CHCHD3: variants seen among roughly 807,000 people sequenced by gnomAD.
CHCHD3 encodes the protein MICOS complex subunit MIC19.
A neutral mutation model predicts 38.2 loss-of-function variants in CHCHD3; 20 were observed. The ratio of observed to expected loss-of-function variants is 0.52; its 90% CI spans 0.37 to 0.76. The LOEUF (loss-of-function observed/expected upper bound fraction) is 0.76. Among genes scored for constraint, CHCHD3 ranks in the 30% least tolerant of loss-of-function variants. The pLI, the probability that CHCHD3 is intolerant of heterozygous loss-of-function variation, is 0.00. For synonymous variants in CHCHD3, 82 were observed against 100.0 expected (o/e 0.82, Z 1.07); for missense variants, 245 against 279.2 (o/e 0.88, Z 0.87).
intron 2 of CHCHD3, among the ~76,000 whole-genome samples, chr7:133,046,155 G>C (rs537046016): frequency 1.9e-4 from 29 of 152,242 alleles, no homozygotes; most frequent in Middle Eastern, 6.8e-3. Context: ...AGATCCAGCA[G>C]GTGGCATAAA....
At chr7:132,839,351 A>C (rs1807881169) in intron 5 of CHCHD3, among the ~76,000 whole-genome samples, 1 of 152,202 alleles carries the variant, frequency 6.6e-6, no homozygotes. Flanking sequence ...AGGAATGGAC[A>C]CATAAACAAC....
At chr7:132,882,182 A>G (rs981696184) in intron 5 of CHCHD3, among the ~76,000 whole-genome samples, 2 of 152,126 alleles carry the variant, frequency 1.3e-5, no homozygotes, top group African/African-American at 4.8e-5. Context: ...CACCATGAAG[A>G]TGAGCAAGGA....
At chr7:132,946,759 T>C (rs945039192) in intron 4 of CHCHD3, among the ~76,000 whole-genome samples, 10 of 151,904 alleles carry the variant, frequency 6.6e-5, no homozygotes, top group African/African-American at 2.4e-4. Context: ...TACCCTGAAA[T>C]ATGTGATAGT....
intron 4 of CHCHD3, among the ~76,000 whole-genome samples, chr7:132,932,197 C>T (rs180832363): frequency 5.9e-5 from 9 of 152,232 alleles, no homozygotes; most frequent in Admixed American, 5.9e-4. Flanking sequence ...TGCCAGCAGC[C>T]CCTGACACCA....
intron 6 of CHCHD3, among the ~76,000 whole-genome samples, chr7:132,797,443 C>T (rs1806647986): frequency 6.6e-6 from 1 of 152,144 alleles, no homozygotes; most frequent in Admixed American, 6.6e-5. Context: ...CCATTGGTCC[C>T]GTATTCACTT....
intron 7 of CHCHD3, among the ~76,000 whole-genome samples, chr7:132,793,107 C>T (rs1359874510): frequency 6.6e-6 from 1 of 152,200 alleles, no homozygotes; most frequent in African/African-American, 2.4e-5. Flanking sequence ...CATTCCCGCT[C>T]CTTTCCATTT....
intron 6 of CHCHD3, among the ~76,000 whole-genome samples, chr7:132,821,747 C>CTT (rs71178063): frequency 0.034 from 3,389 of 100,068 alleles, 579 homozygotes; most frequent in Admixed American, 0.096. Context: ...GCACTCAAAT[C>CTT]TTTTTTTTTT....
At chr7:133,015,928 GAGA>G (rs60544808) in intron 3 of CHCHD3, among the ~76,000 whole-genome samples, 56,272 of 150,352 alleles carry the variant, frequency 0.37, 10,575 homozygotes, top group Admixed American at 0.44. Context: ...TTTATGGCCA[GAGA>G]AGGAGGAAAA....
chr7:132,829,296 A>G (rs1371349801), intron 6 of CHCHD3, among the ~76,000 whole-genome samples: 1 of 152,190 alleles, frequency 6.6e-6, no homozygotes, highest in Non-Finnish European at 1.5e-5. Context: ...AAATATTATG[A>G]TACAAGGAAG....
At chr7:132,907,386 T>C (rs1369760377) in intron 4 of CHCHD3, among the ~76,000 whole-genome samples, 1 of 151,986 alleles carries the variant, frequency 6.6e-6, no homozygotes, top group Non-Finnish European at 1.5e-5. Flanking sequence ...GAATATAATA[T>C]ACAATAAGGA....
At chr7:132,866,680 A>G (rs1165975704) in intron 5 of CHCHD3, among the ~76,000 whole-genome samples, 1 of 152,210 alleles carries the variant, frequency 6.6e-6, no homozygotes, top group African/African-American at 2.4e-5. Flanking sequence ...AATTAGAGTC[A>G]CTCTTGAAAC....
intron 4 of CHCHD3, among the ~76,000 whole-genome samples, chr7:132,925,052 G>C (rs766855172): frequency 7.9e-5 from 12 of 152,132 alleles, no homozygotes; most frequent in Non-Finnish European, 1.8e-4. Flanking sequence ...TGAAAGAAGG[G>C]CTATTCTTTC....
At chr7:133,072,131 C>G (rs1463103894) in intron 1 of CHCHD3, among the ~76,000 whole-genome samples, 5 of 150,106 alleles carry the variant, frequency 3.3e-5, no homozygotes, top group African/African-American at 1.2e-4. Context: ...GATCATGCCA[C>G]TGTGCTCCAG....
chr7:132,985,294 G>A (rs1812073182), intron 3 of CHCHD3, among the ~76,000 whole-genome samples: 1 of 65,418 alleles, frequency 1.5e-5, no homozygotes, highest in Non-Finnish European at 3.2e-5. Flanking sequence ...TCCGGGAGGT[G>A]AGGGGCGCCT....
chr7:132,890,606 A>C (rs1317403299), intron 4 of CHCHD3, among the ~76,000 whole-genome samples: 1 of 152,232 alleles, frequency 6.6e-6, no homozygotes, highest in Non-Finnish European at 1.5e-5. Flanking sequence ...AAGCTTGTAT[A>C]TTTTAAATGA....
chr7:133,006,379 T>A (rs1253193946), intron 3 of CHCHD3, among the ~76,000 whole-genome samples: 2 of 151,748 alleles, frequency 1.3e-5, no homozygotes, highest in African/African-American at 4.8e-5. Flanking sequence ...GGCACAAGAA[T>A]CCCTTGAACC....
rs1387438790 is a variant in CHCHD3, at chr7:132,985,659, G to A, written c.252-10373C>T. ...GAGGAGCCCCTCTGCCCGGCCAGCC[G>A]CCCCATCCGGGAGGGAGGTGGGGGG... On this transcript the variant is annotated intron_variant, in intron 3 of 7. Transcript: ENST00000262570. 2.6e-3 allele frequency among the ~76,000 whole-genome samples: 112 copies of A among 43,310 alleles called. 14 individuals are homozygous for A. Among genetic ancestry groups the A allele is most frequent in the East Asian group, 0.023 (29 of 1,270 alleles). 28.4% of individuals were successfully genotyped at this position (43,310 alleles called of 152,430 possible).
chr7:132,889,026 A>G (rs1368681510), intron 4 of CHCHD3, among the ~76,000 whole-genome samples: 2 of 152,076 alleles, frequency 1.3e-5, no homozygotes, highest in Non-Finnish European at 2.9e-5. Context: ...AACAGTTAGT[A>G]CTTCTGTGAT....
chr7:133,034,658 C>A, intron 2 of CHCHD3: 2 of 1,612,992 alleles, frequency 1.2e-6, no homozygotes, highest in Non-Finnish European at 1.7e-6. Flanking sequence ...GCTGGAAGGC[C>A]CCCTCCCAGG....
Sources: gnomAD v4.1 joint callset for allele counts (sites outside exome capture counted in the v4.1 genomes callset) on GRCh38, gnomAD v4.1.1 for gene constraint, MANE v1.5 for transcripts, NCBI Gene and HGNC (gene_info 2026-07-23, HGNC 2026-07-21) for gene names.